GABRA4: variants seen among roughly 807,000 people sequenced by gnomAD.
The protein encoded by GABRA4 is gamma-aminobutyric acid receptor subunit alpha-4.
Under a neutral mutation model 49.7 loss-of-function variants are expected in GABRA4, and 12 were observed. The ratio of observed to expected loss-of-function variants is 0.24; its 90% CI spans 0.15 to 0.39. The LOEUF is 0.39. Among genes scored for constraint, GABRA4 ranks in the 10% least tolerant of loss-of-function variants. GABRA4 has a pLI of 1.00. For missense variants in GABRA4, 506 were observed against 686.0 expected, an observed-to-expected ratio of 0.74 and a Z score of 2.93; for synonymous variants, 288 against 240.2, an observed-to-expected ratio of 1.20 and a Z score of -1.84.
chr4:46,981,910 A>G (rs1055617315), intron 2 of GABRA4, among the ~76,000 whole-genome samples: 39 of 152,108 alleles, frequency 2.6e-4, no homozygotes, highest in Admixed American at 5.9e-4. Flanking sequence ...CCAAGAGGAC[A>G]AGATCAAAGA....
chr4:46,982,959 A>G (rs1723409057), intron 2 of GABRA4, among the ~76,000 whole-genome samples: 2 of 152,076 alleles, frequency 1.3e-5, no homozygotes, highest in Non-Finnish European at 2.9e-5. Context: ...ATAAGCGAAG[A>G]TACAATAATT....
At chr4:46,973,443 A>G (rs1723027478) in intron 6 of GABRA4, among the ~76,000 whole-genome samples, 1 of 151,752 alleles carries the variant, frequency 6.6e-6, no homozygotes. Flanking sequence ...CTCATTGAAC[A>G]CTGAATCTGA....
In GABRA4 at chr4:46,928,606, G is replaced by A. The variant is rs769028842; in HGVS notation, c.1284C>T (p.Tyr428=). The part of the protein sequence containing the change: ...QESSKGTPRS[Y]LASSPNPFSR... ...TGAATGGGTTTGGACTGGAAGCTAA[G>A]TAAGACCGAGGTGTGCCTTTAGAAG... The change falls in exon 9 of 9, where the codon TAC becomes TAT. Residue 428 remains tyrosine, a synonymous_variant. Coordinates refer to ENST00000264318, the MANE Select transcript of GABRA4 (RefSeq NM_000809.4). 6.2e-6 allele frequency: 10 copies of A among 1,613,766 alleles called. No homozygotes were observed. The South Asian group carries it at 9.9e-5, about 16-fold the overall frequency.
chr4:46,991,420 A>G (rs1324930077), intron 2 of GABRA4, among the ~76,000 whole-genome samples: 1 of 152,142 alleles, frequency 6.6e-6, no homozygotes, highest in Non-Finnish European at 1.5e-5. Flanking sequence ...TTATCTGCCC[A>G]TAAAGGTTTT....
rs760578634 is a variant in GABRA4, at chr4:46,965,029, G to T, written c.1075C>A (p.Pro359Thr). The change falls in exon 8 of 9, where the codon CCT becomes ACT. Residue 359 changes from proline to threonine, a missense_variant. By Grantham distance (38) the Pro-to-Thr change is conservative. Transcript: ENST00000264318. ...ACTGGAGCAGCGGGAACTTCCTGAG[G>T]GGGCTTTGATGTCTTCCTTTTGGCT... ...EKAKRKTSKPPQEVPAAPVQR... is the reference protein window; with the variant it reads ...EKAKRKTSKPTQEVPAAPVQR... 3.1e-6 allele frequency: 5 copies of T among 1,611,868 alleles called. No individual in the cohort carries two copies. The East Asian group carries it at 6.7e-5, about 22-fold the overall frequency.
chr4:46,935,513 G>A (rs1721575810), intron 8 of GABRA4, among the ~76,000 whole-genome samples: 1 of 152,138 alleles, frequency 6.6e-6, no homozygotes, highest in South Asian at 2.1e-4. Flanking sequence ...CAAAATTTTA[G>A]AAGACAATAT....
At chr4:46,973,535 G>T (rs951741675) in intron 6 of GABRA4, among the ~76,000 whole-genome samples, 1 of 151,610 alleles carries the variant, frequency 6.6e-6, no homozygotes, top group Admixed American at 6.6e-5. Flanking sequence ...TATTTGTGTT[G>T]TTTTGTTACA....
At chr4:46,950,171 C>A (rs1005409683) in intron 8 of GABRA4, among the ~76,000 whole-genome samples, 1 of 152,028 alleles carries the variant, frequency 6.6e-6, no homozygotes, top group Non-Finnish European at 1.5e-5. Flanking sequence ...AGAGAGAGTG[C>A]CTGTTGAAGC....
intron 8 of GABRA4, among the ~76,000 whole-genome samples, chr4:46,944,381 C>T (rs1721913945): frequency 6.6e-6 from 1 of 152,132 alleles, no homozygotes; most frequent in African/African-American, 2.4e-5. Context: ...TTGGGAAGGT[C>T]CCAAGCATAA....
chr4:46,971,153 A>C lies in GABRA4; in HGVS notation c.804T>G (p.Ile268Met). ...AAACTTGAGAAAGAATCACTGTCAT[A>C]ATGCACGGAATATAGGTCTGAATCA... ...YFMIQTYIPC[I>M]MTVILSQVSF... Residue 268 changes from isoleucine to methionine, a missense_variant, in exon 7 of 9, where the codon ATT (isoleucine) becomes ATG (methionine). Ile to Met is a conservative substitution (Grantham distance 10). Around this residue, in one of 5 missense-constraint regions of GABRA4, gnomAD observed 33 missense variants for 102.5 expected, o/e 0.32. Transcript: ENST00000264318. 4 of 1,609,466 alleles carry C rather than the reference A, an allele frequency of 2.5e-6. No homozygotes were observed. Among genetic ancestry groups the C allele is most frequent in the Non-Finnish European group, 3.4e-6 (4 of 1,176,816 alleles).
intron 8 of GABRA4, among the ~76,000 whole-genome samples, chr4:46,937,190 C>T (rs1721630659): frequency 6.6e-6 from 1 of 152,200 alleles, no homozygotes; most frequent in Admixed American, 6.5e-5. Flanking sequence ...CTTTCTCCAT[C>T]ATGTGCGGAC....
Position 46,953,720 on chromosome 4 carries a change from A to T in GABRA4, c.1134+11250T>A, listed in dbSNP as rs61696531. Among the ~76,000 whole-genome samples, 265 of 152,284 alleles carry T rather than the reference A, an allele frequency of 1.7e-3. 1 individual carries two copies. Among genetic ancestry groups the T allele is most frequent in the African/African-American group, 5.8e-3 (242 of 41,590 alleles). On this transcript the variant is annotated intron_variant, in intron 8 of 8. Coordinates refer to ENST00000264318, the MANE Select transcript of GABRA4 (RefSeq NM_000809.4). ...GCTTTCTACGTAAACCAAACCACTG[A>T]CTAAGGGTATGGCTTGTATATAAAT...
chr4:46,970,304 G>A (rs970475570), intron 7 of GABRA4, among the ~76,000 whole-genome samples: 1 of 151,410 alleles, frequency 6.6e-6, no homozygotes, highest in African/African-American at 2.4e-5. Context: ...CCATTCCAGA[G>A]CAATTCTGAT....
chr4:46,978,687 C>CAAAAAAAAAAAAAAAAAAAAAAAAAAAAA (rs71193889), intron 3 of GABRA4, among the ~76,000 whole-genome samples: 6 of 21,658 alleles, frequency 2.8e-4, no homozygotes, highest in Admixed American at 6.7e-4. Context: ...AACTTCATCT[C>CAAAAAAAAAAAAAAAAAAAAAAAAAAAAA]AAAAAAAAAA....
At chr4:46,959,868 G>A (rs137957878) in intron 8 of GABRA4, among the ~76,000 whole-genome samples, 1 of 149,912 alleles carries the variant, frequency 6.7e-6, no homozygotes, top group Non-Finnish European at 1.5e-5. Context: ...GTGTGTGAGT[G>A]TGTCTCCAAA....
intron 8 of GABRA4, among the ~76,000 whole-genome samples, chr4:46,961,864 G>C (rs983947456): frequency 1.3e-5 from 2 of 151,848 alleles, no homozygotes; most frequent in Non-Finnish European, 2.9e-5. Flanking sequence ...AGAGGAAAGA[G>C]AGTGAGAGGG....
At position 46,944,121 on chromosome 4, in the gene GABRA4, C is replaced by T. The variant is rs535694739; in HGVS notation, c.1135-15366G>A. Among the ~76,000 whole-genome samples, 282 of 152,092 alleles carry T rather than the reference C, an allele frequency of 1.9e-3. 1 individual carries two copies. Among genetic ancestry groups the T allele is most frequent in the Non-Finnish European group, 3.6e-3 (247 of 67,974 alleles). On this transcript the variant is annotated intron_variant, in intron 8 of 8. Coordinates refer to ENST00000264318, the MANE Select transcript of GABRA4 (RefSeq NM_000809.4). The stretch of plus-strand genomic sequence containing the variant: ...TACTATAAATTTGCACGAAAGTAAA[C>T]GTTAAATATTCTCACCACACACAAA...
intron 7 of GABRA4, among the ~76,000 whole-genome samples, chr4:46,967,380 T>C (rs1247731852): frequency 1.3e-5 from 2 of 151,498 alleles, no homozygotes; most frequent in Non-Finnish European, 3.0e-5. Flanking sequence ...AATAGGACTA[T>C]TTTTCTTGGT....
At chr4:46,970,637 C>A (rs1229233927) in intron 7 of GABRA4, among the ~76,000 whole-genome samples, 2 of 151,360 alleles carry the variant, frequency 1.3e-5, no homozygotes, top group South Asian at 2.1e-4. Flanking sequence ...GCATTTAAAC[C>A]GTTTGCATTT....
Sources: allele counts gnomAD v4.1 joint callset (sites outside exome capture counted in the v4.1 genomes callset), GRCh38; gene constraint gnomAD v4.1.1; regional missense constraint gnomAD v4.1.1; transcripts MANE v1.5; gene names NCBI Gene and HGNC (gene_info 2026-07-23, HGNC 2026-07-21).